The following ATL1 variants were observed in gnomAD, a reference collection of about 807,000 sequenced individuals.
The protein encoded by ATL1 is atlastin GTPase 1.
ATL1 carries 31 observed loss-of-function variants against 75.5 expected under a neutral mutation model. That is an observed-to-expected ratio of 0.41 (90% CI 0.31 to 0.55). The LOEUF (loss-of-function observed/expected upper bound fraction) is 0.55, where lower values mean the gene tolerates loss of function less well. Ranked by LOEUF, ATL1 falls within the 20% of genes least tolerant of loss-of-function variation. The probability of loss-of-function intolerance (pLI) is 0.27; values close to 1 mark genes in which losing one functional copy is unlikely to be tolerated. For synonymous variants in ATL1, 226 were observed against 233.3 expected (o/e 0.97, Z 0.28); for missense variants, 405 against 662.6 (o/e 0.61, Z 4.27).
intron 8 of ATL1, among the ~76,000 whole-genome samples, chr14:50,619,603 T>C (rs2039447895): frequency 6.6e-6 from 1 of 152,254 alleles, no homozygotes; most frequent in South Asian, 2.1e-4. Context: ...GCTAAGTCTG[T>C]AATGTTAAGC....
At chr14:50,594,587 T>G (rs2039194768) in intron 5 of ATL1, among the ~76,000 whole-genome samples, 1 of 152,192 alleles carries the variant, frequency 6.6e-6, no homozygotes, top group Admixed American at 6.5e-5. Flanking sequence ...AAGCAGAGTT[T>G]CGGTTTACAA....
intron 11 of ATL1, among the ~76,000 whole-genome samples, chr14:50,626,401 A>AG (rs1310062122): frequency 1.3e-5 from 2 of 152,204 alleles, no homozygotes; most frequent in African/African-American, 4.8e-5. Context: ...TGACTTTGAG[A>AG]GGGGTCCAAG....
intron 6 of ATL1, among the ~76,000 whole-genome samples, chr14:50,601,566 A>G (rs2039272095): frequency 6.6e-6 from 1 of 152,222 alleles, no homozygotes; most frequent in Admixed American, 6.5e-5. Context: ...AAAATTCCTC[A>G]AAATTTAACA....
Position 50,560,159 on chromosome 14 carries a change from C to T in ATL1, c.-107C>T. The T allele has an allele frequency of 1.5e-6, 2 of 1,373,300 alleles. No homozygotes were observed. The highest frequency in any genetic ancestry group is 1.0e-6 in the Non-Finnish European group (1 of 978,860). 85.1% of individuals were successfully genotyped at this position (1,373,300 alleles called of 1,614,324 possible). ...GCAACATCCTCAGAGTCTGAGCGAA[C>T]TGCGCCCAGCGCGGGCACGGAGCCT... On this transcript the variant is annotated 5_prime_UTR_variant, in exon 1 of 14. Transcript: ENST00000358385.
chr14:50,621,824 T>A lies in ATL1; in HGVS notation c.991-19T>A. On this transcript the variant is annotated intron_variant, in intron 9 of 13. Coordinates refer to ENST00000358385, the MANE Select transcript of ATL1 (RefSeq NM_015915.5). ...TTGAATGGAATTGCTTGAACATGAA[T>A]CTTTTTCTTTTTTTTTAGGCTTATA... The A allele has an allele frequency of 1.3e-6, 2 of 1,503,126 alleles. No individual in the cohort carries two copies. Among genetic ancestry groups the A allele is most frequent in the South Asian group, 1.1e-5 (1 of 87,306 alleles). The allele number at this position is 1,503,126 out of a possible 1,614,324, so 93.1% of individuals were successfully genotyped here.
At chr14:50,618,646 T>C (rs2039436369) in intron 8 of ATL1, among the ~76,000 whole-genome samples, 1 of 152,140 alleles carries the variant, frequency 6.6e-6, no homozygotes, top group African/African-American at 2.4e-5. Flanking sequence ...ACTGGGGCTA[T>C]AATAAAGGGG....
chr14:50,579,919 T>C (rs1037635561), intron 1 of ATL1, among the ~76,000 whole-genome samples: 1 of 152,176 alleles, frequency 6.6e-6, no homozygotes, highest in Non-Finnish European at 1.5e-5. Flanking sequence ...TGCCAACACA[T>C]CACTTAGATT....
intron 1 of ATL1, among the ~76,000 whole-genome samples, chr14:50,583,332 A>G (rs1010959409): frequency 6.6e-6 from 1 of 152,244 alleles, no homozygotes; most frequent in Non-Finnish European, 1.5e-5. Context: ...ACCCAAAAGT[A>G]TCTACATAAA....
intron 12 of ATL1, among the ~76,000 whole-genome samples, chr14:50,628,748 G>T (rs1179463944): frequency 6.6e-6 from 1 of 152,010 alleles, no homozygotes; most frequent in Non-Finnish European, 1.5e-5. Flanking sequence ...GGGCAGTCTT[G>T]CTCTGTCATC....
At chr14:50,559,837 C>T (rs540497877), upstream of ATL1, 1 of 187,160 alleles carries the variant, frequency 5.3e-6, no homozygotes, top group Admixed American at 5.6e-5. Flanking sequence ...AATGTATAAC[C>T]GTGCTTGAAA....
intron 1 of ATL1, among the ~76,000 whole-genome samples, chr14:50,549,409 T>C (rs1292694160): frequency 6.6e-6 from 1 of 152,078 alleles, no homozygotes; most frequent in African/African-American, 2.4e-5. Context: ...CCTAGAAGGG[T>C]TCCCTCTGCA....
At chr14:50,542,060 T>G in intron 1 of ATL1, among the ~76,000 whole-genome samples, 1 of 144,298 alleles carries the variant, frequency 6.9e-6, no homozygotes, top group Admixed American at 6.9e-5. Context: ...AATATGCTGT[T>G]ATCTGCTGAC....
chr14:50,601,147 T>A (rs1234269000), intron 6 of ATL1, among the ~76,000 whole-genome samples: 1 of 151,976 alleles, frequency 6.6e-6, no homozygotes, highest in African/African-American at 2.4e-5. Flanking sequence ...TAAACAAATT[T>A]AAAATAGAAG....
chr14:50,569,014 G>T (rs1421435101), intron 1 of ATL1, among the ~76,000 whole-genome samples: 1 of 151,860 alleles, frequency 6.6e-6, no homozygotes, highest in Non-Finnish European at 1.5e-5. Flanking sequence ...TATACATATT[G>T]TGTGTCCAAA....
At chr14:50,547,540 A>T (rs1472369563) in intron 1 of ATL1, among the ~76,000 whole-genome samples, 1 of 152,208 alleles carries the variant, frequency 6.6e-6, no homozygotes, top group East Asian at 1.9e-4. Context: ...AGATGAAATA[A>T]TACTGCCTAC....
At chr14:50,593,390 G>T (rs2039181824) in intron 4 of ATL1, among the ~76,000 whole-genome samples, 1 of 151,982 alleles carries the variant, frequency 6.6e-6, no homozygotes. Context: ...ATATATATAA[G>T]GATGTGAGCA....
chr14:50,537,521 TG>T (rs2038510038), intron 1 of ATL1, among the ~76,000 whole-genome samples: 2 of 152,140 alleles, frequency 1.3e-5, no homozygotes, highest in Non-Finnish European at 2.9e-5. Context: ...CACAGAATGG[TG>T]GATCCACTGA....
At chr14:50,547,543 C>T (rs2038649162) in intron 1 of ATL1, among the ~76,000 whole-genome samples, 1 of 152,176 alleles carries the variant, frequency 6.6e-6, no homozygotes, top group African/African-American at 2.4e-5. Context: ...TGAAATAATA[C>T]TGCCTACCAG....
chr14:50,583,464 C>T (rs2039075035), intron 1 of ATL1, among the ~76,000 whole-genome samples: 1 of 152,046 alleles, frequency 6.6e-6, no homozygotes, highest in Admixed American at 6.5e-5. Context: ...ACAAATAAAC[C>T]AGTCATAGTT....
Sources: allele counts gnomAD v4.1 joint callset (sites outside exome capture counted in the v4.1 genomes callset), GRCh38; gene constraint gnomAD v4.1.1; transcripts MANE v1.5; gene names NCBI Gene and HGNC (gene_info 2026-07-23, HGNC 2026-07-21).